DCUN1D4: variants seen among roughly 807,000 people sequenced by gnomAD.
DCUN1D4 encodes the protein defective in cullin neddylation 1 domain containing 4, also known as DCN1-like protein 4.
In DCUN1D4, 22 loss-of-function variants were observed where a neutral mutation model predicts 47.9. The observed-to-expected ratio is 0.46, with a 90% CI of 0.33 to 0.66. The LOEUF (loss-of-function observed/expected upper bound fraction) is 0.66, where lower values mean the gene tolerates loss of function less well. Among genes scored for constraint, DCUN1D4 ranks in the 30% least tolerant of loss-of-function variants. DCUN1D4 has a pLI of 0.02. For synonymous variants in DCUN1D4, 121 were observed against 112.2 expected, an observed-to-expected ratio of 1.08 and a Z score of -0.50; for missense variants, 301 against 340.8, an observed-to-expected ratio of 0.88 and a Z score of 0.92.
At chr4:51,861,893 G>C (rs1725111778) in intron 1 of DCUN1D4, among the ~76,000 whole-genome samples, 1 of 151,698 alleles carries the variant, frequency 6.6e-6, no homozygotes, top group South Asian at 2.1e-4. Context: ...CTGGTGAGAG[G>C]GCTGTAGCTT....
intron 5 of DCUN1D4, among the ~76,000 whole-genome samples, chr4:51,885,409 A>G (rs1202057850): frequency 6.6e-6 from 1 of 152,226 alleles, no homozygotes; most frequent in African/African-American, 2.4e-5. Flanking sequence ...CCAGGTTTCT[A>G]TTTCTGGGTG....
upstream of DCUN1D4, among the ~76,000 whole-genome samples, chr4:51,840,810 T>TA (rs1721613686): frequency 6.6e-6 from 1 of 152,190 alleles, no homozygotes; most frequent in Non-Finnish European, 1.5e-5. Flanking sequence ...TTATACTTTG[T>TA]AAAACGTGGG....
At chr4:51,834,096 C>CTTTTTTTTTTTTTTT in the DCUN1D4 span, among the ~76,000 whole-genome samples, 1 of 43,582 alleles carries the variant, frequency 2.3e-5, no homozygotes, top group Non-Finnish European at 3.8e-5. Context: ...CTTTTCTTTT[C>CTTTTTTTTTTTTTTT]TTCTTTCTTT....
intron 10 of DCUN1D4, 30 bp downstream of exon 10, chr4:51,913,422 C>T (rs774088304): frequency 1.4e-5 from 23 of 1,586,506 alleles, no homozygotes; most frequent in Admixed American, 1.0e-4. Flanking sequence ...TTCTGCCATT[C>T]GTGTACATTT....
chr4:51,883,082 C>G (rs190074303), intron 5 of DCUN1D4, among the ~76,000 whole-genome samples: 3 of 152,212 alleles, frequency 2.0e-5, no homozygotes, highest in East Asian at 3.9e-4. Flanking sequence ...TGTACACTTA[C>G]AATGGGATAA....
intron 8 of DCUN1D4, among the ~76,000 whole-genome samples, chr4:51,900,356 T>G (rs1436635583): frequency 3.3e-5 from 5 of 152,214 alleles, no homozygotes; most frequent in Admixed American, 6.5e-5. Flanking sequence ...ACACCATGCA[T>G]AGAAATTTAT....
chr4:51,858,748 G>A (rs2109866750), intron 1 of DCUN1D4, among the ~76,000 whole-genome samples: 1 of 152,290 alleles, frequency 6.6e-6, no homozygotes, highest in Admixed American at 6.5e-5. Context: ...CCAGGTCTTG[G>A]CAAACAATGG....
At chr4:51,859,716 C>G (rs1469782774) in intron 1 of DCUN1D4, among the ~76,000 whole-genome samples, 3 of 143,054 alleles carry the variant, frequency 2.1e-5, no homozygotes, top group Non-Finnish European at 4.5e-5. Flanking sequence ...TTAAGAAAAT[C>G]CAGAAGATAA....
chr4:51,914,773 T>C lies in DCUN1D4; in HGVS notation c.*1189T>C, dbSNP rs927192867. 7 of 151,808 alleles carry C rather than the reference T, an allele frequency of 4.6e-5. No homozygotes were observed. Among genetic ancestry groups the C allele is most frequent in the Admixed American group, 2.0e-4 (3 of 15,122 alleles). The allele number at this position is 151,808 out of a possible 1,614,324, so 9.4% of individuals were successfully genotyped here. Reference sequence around the variant, plus strand: ...GGGCAATAGCCATTATTTTTGTGGATGAGGAAACAAGAATAAACAGAATGG... The same window carrying C: ...GGGCAATAGCCATTATTTTTGTGGACGAGGAAACAAGAATAAACAGAATGG... On this transcript the variant is annotated 3_prime_UTR_variant, in exon 11 of 11. Coordinates refer to ENST00000334635, the MANE Select transcript of DCUN1D4 (RefSeq NM_001040402.3).
chr4:51,899,193 T>C, intron 7 of DCUN1D4, 77 bp from the exon 8 acceptor site: 1 of 1,454,334 alleles, frequency 6.9e-7, no homozygotes, highest in Non-Finnish European at 9.0e-7. Context: ...TTTGGTATTG[T>C]GTTTATATTA....
chr4:51,885,744 T>C (rs1560494501), intron 5 of DCUN1D4, among the ~76,000 whole-genome samples: 3 of 151,948 alleles, frequency 2.0e-5, no homozygotes, highest in Non-Finnish European at 4.4e-5. Context: ...CACATCAAAT[T>C]TAACCATCTG....
chr4:51,859,638 CAAAAAAAAAAAAAAAAA>C (rs35981680), intron 1 of DCUN1D4, among the ~76,000 whole-genome samples: 2 of 39,494 alleles, frequency 5.1e-5, no homozygotes, highest in Non-Finnish European at 8.3e-5. Context: ...TTAAAACAAG[CAAAAAAAAAAAAAAAAA>C]AAAAAAAAAA....
intron 8 of DCUN1D4, among the ~76,000 whole-genome samples, chr4:51,904,754 G>C (rs1220771985): frequency 6.6e-6 from 1 of 152,050 alleles, no homozygotes; most frequent in Non-Finnish European, 1.5e-5. Context: ...AATCTTACCT[G>C]TTAGCCTATC....
At chr4:51,834,480 C>CTATA in the DCUN1D4 span, among the ~76,000 whole-genome samples, 4 of 152,026 alleles carry the variant, frequency 2.6e-5, no homozygotes, top group Admixed American at 1.3e-4. Flanking sequence ...CCGACTGGCC[C>CTATA]TATACCCTTC....
At chr4:51,850,746 C>T (rs1020053233) in intron 1 of DCUN1D4, among the ~76,000 whole-genome samples, 2 of 151,940 alleles carry the variant, frequency 1.3e-5, no homozygotes, top group African/African-American at 4.8e-5. Flanking sequence ...ATGCAGGCAC[C>T]CCTGTGTGCG....
chr4:51,848,078 T>G (rs6817312), intron 1 of DCUN1D4: 3 of 603,314 alleles, frequency 5.0e-6, no homozygotes, highest in Non-Finnish European at 7.5e-6. Flanking sequence ...ATTCTTCCTG[T>G]TCCTGTTGTC....
chr4:51,859,665 A>AC (rs1724727002), intron 1 of DCUN1D4, among the ~76,000 whole-genome samples: 1 of 125,234 alleles, frequency 8.0e-6, no homozygotes, highest in Non-Finnish European at 1.6e-5. Flanking sequence ...AAAAAAAAAA[A>AC]CCCAGACAAG....
upstream of DCUN1D4, among the ~76,000 whole-genome samples, chr4:51,840,210 C>T (rs1379467345): frequency 2.0e-5 from 3 of 151,818 alleles, no homozygotes; most frequent in African/African-American, 4.8e-5. Flanking sequence ...ACATTATTAT[C>T]TCAGTAAACC....
At chr4:51,860,518 G>T (rs1244648756) in intron 1 of DCUN1D4, 1 of 450,968 alleles carries the variant, frequency 2.2e-6, no homozygotes, top group African/African-American at 2.0e-5. Context: ...AAGAAAAGAG[G>T]TTTAATTGAC....
Sources: gnomAD v4.1 joint callset for allele counts (sites outside exome capture counted in the v4.1 genomes callset) on GRCh38, gnomAD v4.1.1 for gene constraint, MANE v1.5 for transcripts, NCBI Gene and HGNC (gene_info 2026-07-23, HGNC 2026-07-21) for gene names.